The following MEIS2 variants were observed in gnomAD, a reference collection of about 807,000 sequenced individuals.
MEIS2 encodes the protein homeobox protein Meis2.
MEIS2 carries 9 observed loss-of-function variants against 58.6 expected under a neutral mutation model. That is an observed-to-expected ratio of 0.15 (90% CI 0.09 to 0.27). The LOEUF (loss-of-function observed/expected upper bound fraction) is 0.27, where lower values mean the gene tolerates loss of function less well. Among genes scored for constraint, MEIS2 ranks in the 10% least tolerant of loss-of-function variants. The probability of loss-of-function intolerance (pLI) is 1.00; values close to 1 mark genes in which losing one functional copy is unlikely to be tolerated. For missense variants in MEIS2, 427 were observed against 635.0 expected, an observed-to-expected ratio of 0.67 and a Z score of 3.52; for synonymous variants, 221 against 228.4, an observed-to-expected ratio of 0.97 and a Z score of 0.29.
At chr15:37,022,649 C>CT (rs986426464) in intron 8 of MEIS2, among the ~76,000 whole-genome samples, 7 of 151,838 alleles carry the variant, frequency 4.6e-5, no homozygotes, top group Admixed American at 6.6e-5. Flanking sequence ...ATTGTTTTTT[C>CT]TTTTTTTTGA....
chr15:36,892,379 G>T lies in MEIS2; in HGVS notation c.1228C>A (p.Pro410Thr), dbSNP rs1195398289. ...MSMAQPSYTP[P>T]QMTPHPTQLR... ...TGAGTAGGGTGTGGGGTCATCTGGG[G>T]AGGAGTGTAACTTGGCTGTGCCATA... The change falls in exon 12 of 12, where the codon CCC (proline) becomes ACC (threonine). Residue 410 changes from proline (P) to threonine (T), a missense_variant. Around this residue, in one of 6 missense-constraint regions of MEIS2, gnomAD observed 154 missense variants for 148.1 expected, o/e 1.04. Transcript: ENST00000561208. 1.9e-6 allele frequency: 3 copies of T among 1,613,976 alleles called. No individual in the cohort carries two copies. Among genetic ancestry groups the T allele is most frequent in the Non-Finnish European group, 1.7e-6 (2 of 1,179,960 alleles).
At chr15:36,995,995 A>G (rs1164400023) in intron 8 of MEIS2, among the ~76,000 whole-genome samples, 2,472 of 51,272 alleles carry the variant, frequency 0.048, 144 homozygotes, top group African/African-American at 0.1. Flanking sequence ...ATATATATAT[A>G]TATATATGTA....
chr15:37,001,164 T>C (rs1270850693), intron 8 of MEIS2, among the ~76,000 whole-genome samples: 1 of 152,230 alleles, frequency 6.6e-6, no homozygotes, highest in Non-Finnish European at 1.5e-5. Context: ...TAATCTTTCA[T>C]GACTAAGAGA....
chr15:36,892,960 G>A (rs1003519532), intron 11 of MEIS2, among the ~76,000 whole-genome samples: 2 of 152,066 alleles, frequency 1.3e-5, no homozygotes, highest in African/African-American at 2.4e-5. Flanking sequence ...GAGCTTTTAC[G>A]TGTATTTAAA....
chr15:37,025,416 T>G (rs1055308453), intron 8 of MEIS2, among the ~76,000 whole-genome samples: 4 of 152,204 alleles, frequency 2.6e-5, no homozygotes, highest in African/African-American at 9.6e-5. Context: ...CCACTGCTTC[T>G]GGTATATATA....
chr15:36,974,116 A>G (rs1327959233), intron 8 of MEIS2, among the ~76,000 whole-genome samples: 2 of 152,182 alleles, frequency 1.3e-5, no homozygotes, highest in African/African-American at 4.8e-5. Flanking sequence ...AGGTACAGAT[A>G]AATTCTTGTC....
chr15:36,976,392 G>A (rs1010971605), intron 8 of MEIS2, among the ~76,000 whole-genome samples: 1 of 151,518 alleles, frequency 6.6e-6, no homozygotes, highest in Non-Finnish European at 1.5e-5. Context: ...CCTATAAAGA[G>A]ATTTTTTTAA....
intron 8 of MEIS2, among the ~76,000 whole-genome samples, chr15:37,031,258 T>A (rs1353736281): frequency 6.6e-6 from 1 of 152,154 alleles, no homozygotes; most frequent in African/African-American, 2.4e-5. Flanking sequence ...GTGTTGCAGA[T>A]TCCAGGCCCT....
chr15:36,962,114 T>G (rs7342655), intron 8 of MEIS2, among the ~76,000 whole-genome samples: 4,698 of 152,278 alleles, frequency 0.031, 259 homozygotes, highest in African/African-American at 0.11. Context: ...TGACAGCTGG[T>G]GCCTGTTAAA....
chr15:37,001,125 A>G (rs971587697), intron 8 of MEIS2, among the ~76,000 whole-genome samples: 1 of 152,240 alleles, frequency 6.6e-6, no homozygotes, highest in African/African-American at 2.4e-5. Context: ...TGCCAATCAC[A>G]GGGCTATACT....
At chr15:36,996,078 T>C (rs1388978959) in intron 8 of MEIS2, among the ~76,000 whole-genome samples, 1 of 147,616 alleles carries the variant, frequency 6.8e-6, no homozygotes, top group Non-Finnish European at 1.5e-5. Flanking sequence ...TATATATATA[T>C]ATTTTTAAAT....
At chr15:36,899,751 A>T (rs1182456465) in intron 9 of MEIS2, among the ~76,000 whole-genome samples, 2 of 152,202 alleles carry the variant, frequency 1.3e-5, no homozygotes, top group Non-Finnish European at 2.9e-5. Flanking sequence ...TCTTAAAAAG[A>T]CTCAAAAGGT....
chr15:37,068,405 G>T (rs1200363555), intron 7 of MEIS2, among the ~76,000 whole-genome samples: 1 of 152,154 alleles, frequency 6.6e-6, no homozygotes, highest in South Asian at 2.1e-4. Flanking sequence ...CAAATTTTGG[G>T]AGTGCTAACA....
At chr15:36,893,213 C>T (rs1201637114) in intron 11 of MEIS2, among the ~76,000 whole-genome samples, 4 of 152,168 alleles carry the variant, frequency 2.6e-5, no homozygotes, top group African/African-American at 9.7e-5. Flanking sequence ...TGTAAGGATT[C>T]TGATTTCTCT....
intron 7 of MEIS2, among the ~76,000 whole-genome samples, chr15:37,051,505 G>A (rs546321895): frequency 4.6e-5 from 7 of 152,280 alleles, no homozygotes; most frequent in Admixed American, 3.3e-4. Context: ...AAATTTTGGC[G>A]TAATGATGGA....
At position 37,098,137 on chromosome 15, in the gene MEIS2, T is replaced by A. The variant is rs775884292; in HGVS notation, c.75A>T (p.Gly25=). 1.2e-6 allele frequency: 2 copies of A among 1,612,798 alleles called. No homozygotes were observed. Among genetic ancestry groups the A allele is most frequent in the South Asian group, 1.1e-5 (1 of 90,940 alleles). The change falls in exon 2 of 12, where the codon GGA becomes GGT. Residue 25 remains glycine, a synonymous_variant. Transcript: ENST00000561208. ...DGVGVPASMY[G]DPHAPRPIPP... is the part of the protein sequence containing the mutation. Reference sequence around the variant, plus strand: ...GGATCGGCCGCGGCGCGTGAGGGTCTCCGTACATGGAAGCGGGAACCCCTA... The same window carrying A: ...GGATCGGCCGCGGCGCGTGAGGGTCACCGTACATGGAAGCGGGAACCCCTA...
chr15:37,046,939 T>A (rs147687867), intron 7 of MEIS2, among the ~76,000 whole-genome samples: 1 of 152,074 alleles, frequency 6.6e-6, no homozygotes, highest in East Asian at 1.9e-4. Flanking sequence ...TTCTCCTAAG[T>A]CTCCCATTGA....
chr15:36,992,727 C>G lies in MEIS2; in HGVS notation c.901-42327G>C, dbSNP rs545958156. On this transcript the variant is annotated intron_variant, in intron 8 of 11. Coordinates refer to ENST00000561208, the MANE Select transcript of MEIS2 (RefSeq NM_170675.5). The stretch of plus-strand genomic sequence containing the variant: ...GTGTAGTAGTTTCTCAGAGCAAATA[C>G]TCGTGAAATTAGATAATTTCATTTT... Among the ~76,000 whole-genome samples, 7 of 151,046 alleles carry G rather than the reference C, an allele frequency of 4.6e-5. No individual in the cohort carries two copies. The South Asian group carries it at 1.5e-3, about 31-fold the overall frequency.
Position 37,040,648 on chromosome 15 carries a change from G to A in MEIS2, c.755-3689C>T, listed in dbSNP as rs74008835. On this transcript the variant is annotated intron_variant, in intron 7 of 11. Transcript: ENST00000561208. ...ATACTGGGCATGCTTCTTTTGAAAGGTTGCTAATCCCTTGACCAAGGGCAT... is the reference window on the plus strand; with the variant it reads ...ATACTGGGCATGCTTCTTTTGAAAGATTGCTAATCCCTTGACCAAGGGCAT... 4.1e-3 allele frequency among the ~76,000 whole-genome samples: 622 copies of A among 152,298 alleles called. 4 individuals are homozygous for A. The highest frequency in any genetic ancestry group is 0.015 in the African/African-American group (603 of 41,564).
Sources: allele counts gnomAD v4.1 joint callset (sites outside exome capture counted in the v4.1 genomes callset), GRCh38; gene constraint gnomAD v4.1.1; regional missense constraint gnomAD v4.1.1; transcripts MANE v1.5; gene names NCBI Gene and HGNC (gene_info 2026-07-23, HGNC 2026-07-21).